The following GLYR1 variants were observed in gnomAD, a reference collection of about 807,000 sequenced individuals.
The protein encoded by GLYR1 is glyoxylate reductase 1 homolog.
In GLYR1, 21 loss-of-function variants were observed where a neutral mutation model predicts 72.7. The observed-to-expected ratio is 0.29, with a 90% confidence interval of 0.20 to 0.42. The LOEUF is 0.42. Among genes scored for constraint, GLYR1 ranks in the 10% least tolerant of loss-of-function variants. The pLI is 1.00. For missense variants in GLYR1, 594 were observed against 712.1 expected (o/e 0.83, Z 1.89); for synonymous variants, 392 against 270.2 (o/e 1.45, Z -4.42).
chr16:4,844,675 C>T (rs958764798), intron 3 of GLYR1, among the ~76,000 whole-genome samples: 1 of 152,192 alleles, frequency 6.6e-6, no homozygotes, highest in African/African-American at 2.4e-5. Flanking sequence ...GTGAGAGAAC[C>T]GCTTGAGTCA....
Position 4,832,077 on chromosome 16 carries a change from C to T in GLYR1, c.439G>A (p.Val147Met), listed in dbSNP as rs1326616355. ...CCTCTCTCTGAAGAGCCTGAAGACA[C>T]CCTCTTCTTTCCTTCTCCCATGTTC... ...KKNMGEGKKR[V>M]SSGSSERGSK... The change falls in exon 5 of 16, where the codon GTG (valine) becomes ATG (methionine). Residue 147 changes from valine to methionine, a missense_variant. Transcript: ENST00000321919. 2 of 1,614,074 alleles carry T rather than the reference C, an allele frequency of 1.2e-6. No individual in the cohort carries two copies. Among genetic ancestry groups the T allele is most frequent in the Admixed American group, 1.7e-5 (1 of 59,998 alleles).
At chr16:4,824,757 G>A (rs893330986) in intron 5 of GLYR1, among the ~76,000 whole-genome samples, 2 of 152,112 alleles carry the variant, frequency 1.3e-5, no homozygotes, top group African/African-American at 4.8e-5. Flanking sequence ...CCTGGGCAAA[G>A]GGTCCTCTTT....
intron 10 of GLYR1, among the ~76,000 whole-genome samples, chr16:4,816,275 C>G (rs2083636548): frequency 6.6e-6 from 1 of 152,080 alleles, no homozygotes; most frequent in Non-Finnish European, 1.5e-5. Flanking sequence ...TCCCAAGTAG[C>G]TGGGACTATA....
chr16:4,829,900 C>A (rs181299362), intron 5 of GLYR1, among the ~76,000 whole-genome samples: 16 of 152,096 alleles, frequency 1.1e-4, no homozygotes, highest in Non-Finnish European at 2.1e-4. Context: ...CTCGAACTCC[C>A]GACCTGAGGT....
intron 15 of GLYR1, among the ~76,000 whole-genome samples, chr16:4,809,948 C>CA (rs947493625): frequency 2.7e-5 from 4 of 149,436 alleles, no homozygotes; most frequent in Non-Finnish European, 5.9e-5. Context: ...AAACAAAAAA[C>CA]AAAAAAACAA....
intron 4 of GLYR1, 84 bp from the exon 5 acceptor site, chr16:4,832,305 C>T (rs765983083): frequency 2.8e-5 from 43 of 1,525,172 alleles, no homozygotes; most frequent in African/African-American, 5.5e-5. Flanking sequence ...CCATGTGCTG[C>T]TACAGGCACT....
At chr16:4,806,906 A>G (rs1307183760) in intron 15 of GLYR1, among the ~76,000 whole-genome samples, 1 of 148,450 alleles carries the variant, frequency 6.7e-6, no homozygotes, top group Non-Finnish European at 1.5e-5. Context: ...TCCCGGGTTC[A>G]CGCCATTCTC....
chr16:4,809,325 G>C (rs565636448), intron 15 of GLYR1, among the ~76,000 whole-genome samples: 1 of 151,530 alleles, frequency 6.6e-6, no homozygotes, highest in South Asian at 2.1e-4. Flanking sequence ...GAGTAGCTGA[G>C]ATTAAAGGTG....
intron 10 of GLYR1, among the ~76,000 whole-genome samples, chr16:4,815,826 G>T (rs1419354274): frequency 6.6e-6 from 1 of 151,938 alleles, no homozygotes; most frequent in Admixed American, 6.6e-5. Context: ...CTGTCGCCCA[G>T]GATGGAGTGC....
intron 3 of GLYR1, chr16:4,843,475 T>C (rs564388975): frequency 4.8e-6 from 6 of 1,256,436 alleles, no homozygotes; most frequent in Middle Eastern, 2.2e-4. Context: ...TTTAAATCCA[T>C]GGAGTTCTAA....
intron 12 of GLYR1, among the ~76,000 whole-genome samples, chr16:4,813,063 T>C (rs1324181631): frequency 6.6e-6 from 1 of 151,872 alleles, no homozygotes; most frequent in African/African-American, 2.4e-5. Flanking sequence ...CCTGGGTTCA[T>C]GCCGCTCTCC....
chr16:4,823,756 AAAAG>A, intron 6 of GLYR1, 61 bp downstream of exon 6: 1 of 1,230,520 alleles, frequency 8.1e-7, no homozygotes, highest in East Asian at 2.3e-5. Flanking sequence ...AAAAAAAAAA[AAAAG>A]GATCACACAG....
intron 10 of GLYR1, among the ~76,000 whole-genome samples, chr16:4,817,160 C>T (rs1031054432): frequency 6.7e-5 from 10 of 150,358 alleles, no homozygotes; most frequent in Admixed American, 2.0e-4. Context: ...TGCTCTGTCG[C>T]CCAGGCTGGA....
intron 5 of GLYR1, among the ~76,000 whole-genome samples, chr16:4,829,109 G>C (rs1596365359): frequency 6.6e-6 from 1 of 152,102 alleles, no homozygotes; most frequent in African/African-American, 2.4e-5. Flanking sequence ...ACCTTGGGCT[G>C]ACGGTATGCA....
At chr16:4,828,978 G>A (rs1055229546) in intron 5 of GLYR1, among the ~76,000 whole-genome samples, 1 of 152,076 alleles carries the variant, frequency 6.6e-6, no homozygotes, top group Non-Finnish European at 1.5e-5. Flanking sequence ...AAATCTGACA[G>A]CCCAGATTCC....
In GLYR1 at chr16:4,845,058, G is replaced by A. The variant is rs2085898503; in HGVS notation, c.155+16C>T. On this transcript the variant is annotated intron_variant, in intron 3 of 15. Transcript: ENST00000321919. ...GAAAGAAAGGCGAAGGGAGACTCCTGGTGAGTACTACTCACTGATCTTCTG... is the reference window on the plus strand; with the variant it reads ...GAAAGAAAGGCGAAGGGAGACTCCTAGTGAGTACTACTCACTGATCTTCTG... 4 of 1,567,950 alleles carry A rather than the reference G, an allele frequency of 2.6e-6. No individual in the cohort carries two copies. Among genetic ancestry groups the A allele is most frequent in the Non-Finnish European group, 2.6e-6 (3 of 1,138,206 alleles).
chr16:4,826,386 G>A (rs1356410602), intron 5 of GLYR1, among the ~76,000 whole-genome samples: 1 of 152,170 alleles, frequency 6.6e-6, no homozygotes, highest in Non-Finnish European at 1.5e-5. Context: ...GATTATGGGA[G>A]TGAGCCACTG....
intron 11 of GLYR1, 78 bp downstream of exon 11, chr16:4,814,459 C>T: frequency 9.7e-7 from 1 of 1,033,166 alleles, no homozygotes; most frequent in South Asian, 1.3e-5. Context: ...ACTTGGTGTG[C>T]AGGGGAGGAG....
intron 6 of GLYR1, among the ~76,000 whole-genome samples, 184 bp downstream of exon 6, chr16:4,823,637 C>T (rs1567720455): frequency 6.6e-6 from 1 of 151,812 alleles, no homozygotes; most frequent in African/African-American, 2.4e-5. Context: ...TCCGTCACCT[C>T]GAGCCTCACA....
Sources: allele counts gnomAD v4.1 joint callset (sites outside exome capture counted in the v4.1 genomes callset), GRCh38; gene constraint gnomAD v4.1.1; transcripts MANE v1.5; gene names NCBI Gene and HGNC (gene_info 2026-07-23, HGNC 2026-07-21).